C1orf174: variants seen among roughly 807,000 people sequenced by gnomAD.
The protein encoded by C1orf174 is chromosome 1 open reading frame 174.
In C1orf174, 13 loss-of-function variants were observed where a neutral mutation model predicts 18.4. The ratio of observed to expected loss-of-function variants is 0.71; its 90% CI spans 0.46 to 1.12. The LOEUF (loss-of-function observed/expected upper bound fraction) is 1.12, where lower values mean the gene tolerates loss of function less well. C1orf174 is among the 50% of genes most tolerant of loss of function. The pLI, the probability that C1orf174 is intolerant of heterozygous loss-of-function variation, is 0.00. For synonymous variants in C1orf174, 100 were observed against 118.3 expected, an observed-to-expected ratio of 0.85 and a Z score of 1.01; for missense variants, 309 against 308.0, an observed-to-expected ratio of 1.00 and a Z score of -0.02.
rs768548944 is a variant in C1orf174, at chr1:3,900,213, G to C, written c.-27C>G. 6 of 1,564,556 alleles carry C rather than the reference G, an allele frequency of 3.8e-6. No individual in the cohort carries two copies. Among genetic ancestry groups the C allele is most frequent in the Non-Finnish European group, 5.1e-6 (6 of 1,166,600 alleles). ...AGTGTGAGCACCGCAGCCAAGCACCGCGCGCCCCGGCCAACGCGTCCCGGC... is the reference window on the plus strand; with the variant it reads ...AGTGTGAGCACCGCAGCCAAGCACCCCGCGCCCCGGCCAACGCGTCCCGGC... On this transcript the variant is annotated 5_prime_UTR_variant, in exon 1 of 4. Transcript: ENST00000361605.
Position 3,889,806 on chromosome 1 carries a change from A to C in C1orf174, c.*154T>G. 1.4e-6 allele frequency: 1 copy of C among 711,504 alleles called. No homozygotes were observed. The highest frequency in any genetic ancestry group is 2.5e-6 in the Non-Finnish European group (1 of 400,942). 44.1% of individuals were successfully genotyped at this position (711,504 alleles called of 1,614,324 possible). ...TCCCATGAGTACATCCTCCACAGGT[A>C]TTGGGTGCTTTGCACTATTGACTTA... On this transcript the variant is annotated 3_prime_UTR_variant, in exon 4 of 4. Transcript: ENST00000361605.
At chr1:3,897,454 C>A (rs766360081) in intron 1 of C1orf174, among the ~76,000 whole-genome samples, 1 of 151,818 alleles carries the variant, frequency 6.6e-6, no homozygotes, top group Non-Finnish European at 1.5e-5. Flanking sequence ...GAAGACAGAT[C>A]GATAGATTAT....
chr1:3,896,952 T>C (rs906721083), intron 1 of C1orf174, among the ~76,000 whole-genome samples: 3 of 152,294 alleles, frequency 2.0e-5, no homozygotes, highest in Non-Finnish European at 4.4e-5. Context: ...ACCAGCAACA[T>C]CACAGGCTGA....
At chr1:3,898,539 A>G (rs1638648817) in intron 1 of C1orf174, among the ~76,000 whole-genome samples, 1 of 151,504 alleles carries the variant, frequency 6.6e-6, no homozygotes, top group South Asian at 2.1e-4. Flanking sequence ...AACAACAACA[A>G]CAACAACAAC....
intron 1 of C1orf174, among the ~76,000 whole-genome samples, chr1:3,897,898 T>C (rs1247344313): frequency 2.6e-5 from 4 of 152,038 alleles, no homozygotes; most frequent in South Asian, 4.2e-4. Context: ...CTCCTGACCT[T>C]GTGATCCGCC....
intron 1 of C1orf174, among the ~76,000 whole-genome samples, chr1:3,893,810 T>A (rs1638555804): frequency 6.6e-6 from 1 of 152,154 alleles, no homozygotes; most frequent in African/African-American, 2.4e-5. Flanking sequence ...GGTGAGAGGA[T>A]CACTTGATCC....
chr1:3,890,303 C>T (rs1638481125), intron 3 of C1orf174, among the ~76,000 whole-genome samples: 1 of 152,142 alleles, frequency 6.6e-6, no homozygotes, highest in Non-Finnish European at 1.5e-5. Context: ...AAATTAACAG[C>T]AAGCGCGGGG....
chr1:3,890,042 G>A lies in C1orf174; in HGVS notation c.650C>T (p.Ser217Leu). 1 of 1,614,182 alleles carries A rather than the reference G, an allele frequency of 6.2e-7. No homozygotes were observed. The highest frequency in any genetic ancestry group is 2.2e-5 in the East Asian group (1 of 44,884). ...TTTTCTGAACTCTCGTCTGCTCATT[G>A]AAGGACAAGATGAAGACGCAGGTGG... ...DLPPASSSCP[S>L]MSRREFRKMH... Residue 217 changes from serine to leucine, a missense_variant, in exon 4 of 4, where the codon TCA (serine) becomes TTA (leucine). Ser to Leu is a moderately radical substitution (Grantham distance 145). Coordinates refer to ENST00000361605, the MANE Select transcript of C1orf174 (RefSeq NM_207356.3).
rs1199100828 is a variant in C1orf174 at position 3,900,198 on chromosome 1, C to T, written c.-12G>A. The T allele has an allele frequency of 1.9e-6, 3 of 1,581,824 alleles. No individual in the cohort carries two copies. Among genetic ancestry groups the T allele is most frequent in the Non-Finnish European group, 2.6e-6 (3 of 1,173,234 alleles). ...TTCCGGCTCCTCATGAGTGTGAGCA[C>T]CGCAGCCAAGCACCGCGCGCCCCGG... On this transcript the variant is annotated 5_prime_UTR_variant, in exon 1 of 4. It adds an upstream start codon to the 5' untranslated region. Transcript: ENST00000361605.
chr1:3,891,595 C>T, intron 2 of C1orf174: 2 of 986,718 alleles, frequency 2.0e-6, no homozygotes, highest in Non-Finnish European at 2.4e-6. Context: ...AACCCCTCAA[C>T]TGTAGGCTCC....
At chr1:3,900,036 T>C in intron 1 of C1orf174, 136 bp downstream of exon 1, 1 of 1,102,902 alleles carries the variant, frequency 9.1e-7, no homozygotes, top group Non-Finnish European at 1.2e-6. Flanking sequence ...CCCCAACTAC[T>C]GCCGGGGGCG....
chr1:3,898,213 G>A (rs1638642140), intron 1 of C1orf174, among the ~76,000 whole-genome samples: 1 of 151,890 alleles, frequency 6.6e-6, no homozygotes, highest in African/African-American at 2.4e-5. Context: ...ATCCAGCAAA[G>A]CTATACTTCA....
At chr1:3,894,727 G>A (rs1638575452) in intron 1 of C1orf174, among the ~76,000 whole-genome samples, 1 of 152,206 alleles carries the variant, frequency 6.6e-6, no homozygotes, top group South Asian at 2.1e-4. Flanking sequence ...GTCAGAGTGT[G>A]TGTCTGAAAC....
At chr1:3,898,491 G>A (rs2124788748) in intron 1 of C1orf174, among the ~76,000 whole-genome samples, 1 of 151,718 alleles carries the variant, frequency 6.6e-6, no homozygotes, top group East Asian at 1.9e-4. Flanking sequence ...CTGGGCAACA[G>A]AGTGAGACTC....
At position 3,892,994 on chromosome 1, in the gene C1orf174, G is replaced by C. The variant is rs372101920; in HGVS notation, c.18C>G (p.Leu6=). 3 of 1,613,760 alleles carry C rather than the reference G, an allele frequency of 1.9e-6. No homozygotes were observed. The highest frequency in any genetic ancestry group is 2.5e-6 in the Non-Finnish European group (3 of 1,179,862). The change falls in exon 2 of 4, where the codon CTC becomes CTG. Residue 6 remains leucine (L), a splice_region_variant and synonymous_variant. Coordinates refer to ENST00000361605, the MANE Select transcript of C1orf174 (RefSeq NM_207356.3). The stretch of plus-strand genomic sequence containing the variant: ...GCGCTGAAGACCGCACTGCACCTGT[G>C]AGCTAGAGAGATTGAGAGCCACTCA... MRSRK[L]TGAVRSSARL... is the part of the protein sequence containing the mutation.
chr1:3,891,185 C>A (rs74530517), intron 2 of C1orf174, 128 bp from the exon 3 acceptor site: 2 of 1,223,350 alleles, frequency 1.6e-6, no homozygotes, highest in East Asian at 2.4e-5. Context: ...TTTCACAGAT[C>A]GTCATTTCAC....
At chr1:3,897,060 T>C (rs1206055997) in intron 1 of C1orf174, among the ~76,000 whole-genome samples, 2 of 152,174 alleles carry the variant, frequency 1.3e-5, no homozygotes, top group Non-Finnish European at 2.9e-5. Context: ...TTGGGGACAG[T>C]ACCCAGAATT....
At chr1:3,892,730 A>G (rs2124784270) in intron 2 of C1orf174, 153 bp downstream of exon 2, 1 of 1,464,308 alleles carries the variant, frequency 6.8e-7, no homozygotes, top group Middle Eastern at 1.8e-4. Context: ...AGGCAATTAC[A>G]GTGCTGTCAC....
chr1:3,894,172 T>A (rs1168241619), intron 1 of C1orf174, among the ~76,000 whole-genome samples: 1 of 151,928 alleles, frequency 6.6e-6, no homozygotes, highest in Non-Finnish European at 1.5e-5. Context: ...CAATGCAGGT[T>A]GACATGGCCG....
Sources: gnomAD v4.1 joint callset for allele counts (sites outside exome capture counted in the v4.1 genomes callset) on GRCh38, gnomAD v4.1.1 for gene constraint, MANE v1.5 for transcripts, NCBI Gene and HGNC (gene_info 2026-07-23, HGNC 2026-07-21) for gene names.